The following BET1 variants were observed in gnomAD, a reference collection of about 807,000 sequenced individuals.
BET1 encodes BET1 homolog.
BET1 carries 9 observed loss-of-function variants against 13.9 expected under a neutral mutation model. That is an observed-to-expected ratio of 0.65 (90% CI 0.39 to 1.13). The LOEUF is 1.13. Ranked by LOEUF, BET1 falls within the 50% of genes most tolerant of loss-of-function variation. The pLI is 0.01. For missense variants in BET1, 127 were observed against 133.6 expected (o/e 0.95, Z 0.24); for synonymous variants, 39 against 47.3 (o/e 0.82, Z 0.72).
At chr7:94,001,329 T>C (rs1306104146) in intron 1 of BET1, among the ~76,000 whole-genome samples, 1 of 152,198 alleles carries the variant, frequency 6.6e-6, no homozygotes, top group Non-Finnish European at 1.5e-5. Context: ...AGTTCACTGT[T>C]ATTGAACTTT....
At chr7:93,996,178 C>A in intron 3 of BET1, 87 bp downstream of exon 3, 1 of 988,884 alleles carries the variant, frequency 1.0e-6, no homozygotes, top group Non-Finnish European at 1.6e-6. Flanking sequence ...CTTACGATCT[C>A]TGTATTTCAA....
At chr7:93,991,282 T>C (rs1015054137), downstream of BET1, among the ~76,000 whole-genome samples, 25 of 152,224 alleles carry the variant, frequency 1.6e-4, no homozygotes, top group African/African-American at 5.3e-4. Flanking sequence ...TAAGTGTCTA[T>C]TGCCTTTGAA....
rs1234772300 is a variant in BET1 at position 93,993,364 on chromosome 7, G to A, written c.*866C>T. 1 of 965,534 alleles carries A rather than the reference G, an allele frequency of 1.0e-6. No individual in the cohort carries two copies. The highest frequency in any genetic ancestry group is 1.2e-6 in the Non-Finnish European group (1 of 811,582). 59.8% of individuals were successfully genotyped at this position (965,534 alleles called of 1,614,324 possible). ...TTTTTACTCAACAGTCTGCCTTTGT[G>A]TTTTTCTTTCCATAAACAAATACAC... On this transcript the variant is annotated 3_prime_UTR_variant, in exon 4 of 4. Coordinates refer to ENST00000222547, the MANE Select transcript of BET1 (RefSeq NM_005868.6).
intron 4 of BET1, among the ~76,000 whole-genome samples, chr7:93,982,865 C>T (rs1230876029): frequency 1.3e-5 from 2 of 152,164 alleles, no homozygotes; most frequent in Non-Finnish European, 2.9e-5. Context: ...AACACCTCTA[C>T]ATATTTCAGT....
chr7:93,973,359 C>A (rs960465658), intron 5 of BET1, among the ~76,000 whole-genome samples: 2 of 151,882 alleles, frequency 1.3e-5, no homozygotes, highest in Admixed American at 1.3e-4. Context: ...TACTACATTG[C>A]TAGCTGATGA....
intron 2 of BET1, among the ~76,000 whole-genome samples, 177 bp downstream of exon 2, chr7:93,998,993 A>G (rs1202107549): frequency 6.6e-6 from 1 of 152,216 alleles, no homozygotes; most frequent in African/African-American, 2.4e-5. Context: ...TTGATGTGCC[A>G]CATTTTTTAA....
downstream of BET1, chr7:93,991,713 G>A (rs981851140): frequency 2.3e-5 from 19 of 836,042 alleles, no homozygotes; most frequent in African/African-American, 3.3e-4. Flanking sequence ...GTGGAGCCAG[G>A]ATTTATGCTC....
chr7:93,999,345 C>G (rs377535180), intron 1 of BET1, 51 bp from the exon 2 acceptor site: 1 of 1,557,360 alleles, frequency 6.4e-7, no homozygotes, highest in Non-Finnish European at 8.7e-7. Flanking sequence ...ACTTTTGAAA[C>G]ACTGTTAGTT....
intron 1 of BET1, chr7:93,999,641 G>A (rs1481631557): frequency 4.4e-6 from 2 of 458,030 alleles, no homozygotes; most frequent in African/African-American, 2.0e-5. Context: ...AGTTCTAAAA[G>A]CAGTAACATC....
At chr7:93,976,410 AAC>A (rs1253958458) in intron 4 of BET1, among the ~76,000 whole-genome samples, 2 of 151,966 alleles carry the variant, frequency 1.3e-5, no homozygotes, top group African/African-American at 4.8e-5. Context: ...AATAAAGCAA[AAC>A]ACAATAAAAT....
At position 94,004,226 on chromosome 7, in the gene BET1, GGA is replaced by G; in HGVS notation, c.-12_-11del. ...GGCCTGCACGCCTCATCCTGCCAGAGGAGAGAGAGAAAAGGCGGGTGCGGGGC... is the reference window on the plus strand; with the variant it reads ...GGCCTGCACGCCTCATCCTGCCAGAGGAGAGAGAAAAGGCGGGTGCGGGGC... On this transcript the variant is annotated 5_prime_UTR_variant, in exon 1 of 4. Transcript: ENST00000222547. The G allele has an allele frequency of 1.2e-6, 2 of 1,614,062 alleles. No homozygotes were observed. The highest frequency in any genetic ancestry group is 1.3e-5 in the African/African-American group (1 of 75,020).
chr7:93,992,914 C>A, downstream of BET1: 1 of 985,338 alleles, frequency 1.0e-6, no homozygotes, highest in Non-Finnish European at 1.2e-6. Flanking sequence ...TGTTTAAGTC[C>A]CTTAACCACA....
chr7:93,980,810 G>A (rs1282582387), intron 4 of BET1, among the ~76,000 whole-genome samples: 1 of 152,184 alleles, frequency 6.6e-6, no homozygotes, highest in Non-Finnish European at 1.5e-5. Context: ...ATATCAGAAA[G>A]GAAGAAGTAA....
chr7:93,982,188 T>C (rs1795440374), intron 4 of BET1, among the ~76,000 whole-genome samples: 1 of 152,162 alleles, frequency 6.6e-6, no homozygotes, highest in African/African-American at 2.4e-5. Flanking sequence ...ATAAATATTT[T>C]ATGAAATCAT....
chr7:93,986,749 T>C (rs746823223), intron 4 of BET1, among the ~76,000 whole-genome samples: 5 of 152,206 alleles, frequency 3.3e-5, no homozygotes, highest in Non-Finnish European at 5.9e-5. Context: ...GAAAAATTCC[T>C]ATCCCCTAGT....
intron 4 of BET1, chr7:93,987,210 C>T (rs964669300): frequency 6.6e-6 from 1 of 152,136 alleles, no homozygotes; most frequent in African/African-American, 2.4e-5. Context: ...CCTCTCATGC[C>T]TTGAAATTGC....
chr7:94,002,341 A>G (rs1465723588), intron 1 of BET1, among the ~76,000 whole-genome samples: 1 of 152,114 alleles, frequency 6.6e-6, no homozygotes. Context: ...ACTTTAAAAA[A>G]AAAGAAAAGA....
chr7:93,975,667 T>A (rs750962729), intron 5 of BET1, among the ~76,000 whole-genome samples: 14 of 152,112 alleles, frequency 9.2e-5, no homozygotes, highest in Non-Finnish European at 1.9e-4. Context: ...GCATAGATAC[T>A]TAAATTGTCA....
At chr7:93,985,607 A>G (rs530430735) in intron 4 of BET1, among the ~76,000 whole-genome samples, 1 of 152,336 alleles carries the variant, frequency 6.6e-6, no homozygotes, top group Admixed American at 6.5e-5. Flanking sequence ...ACTATATTGT[A>G]ATGTATTCAA....
Sources: gnomAD v4.1 joint callset for allele counts (sites outside exome capture counted in the v4.1 genomes callset) on GRCh38, gnomAD v4.1.1 for gene constraint, MANE v1.5 for transcripts, NCBI Gene and HGNC (gene_info 2026-07-23, HGNC 2026-07-21) for gene names.